The following RFXANK variants were observed in gnomAD, a reference collection of about 807,000 sequenced individuals.
RFXANK encodes DNA-binding protein RFXANK.
Under a neutral mutation model 34.5 loss-of-function variants are expected in RFXANK, and 19 were observed. The ratio of observed to expected loss-of-function variants is 0.55; its 90% CI spans 0.38 to 0.81. The LOEUF (loss-of-function observed/expected upper bound fraction) is 0.81. Ranked by LOEUF, RFXANK falls within the 30% of genes least tolerant of loss-of-function variation. RFXANK has a pLI of 0.00. For missense variants in RFXANK, 295 were observed against 343.5 expected (o/e 0.86, Z 1.12); for synonymous variants, 154 against 149.8 (o/e 1.03, Z -0.20).
intron 8 of RFXANK, 51 bp from the exon 9 acceptor site, chr19:19,199,103 A>G (rs760494491): frequency 1.9e-6 from 3 of 1,554,626 alleles, no homozygotes; most frequent in African/African-American, 1.4e-5. Flanking sequence ...CCCAGACCCC[A>G]TTCTGGACTC....
rs947640674 is a variant in RFXANK at position 19,198,363 on chromosome 19, C to T, written c.564+131C>T. Reference sequence around the variant, plus strand: ...AACACGAGACAGCCCCATTCCCAGCCTCACAGAGCAGAGCTCCCCATGCAG... The same window carrying T: ...AACACGAGACAGCCCCATTCCCAGCTTCACAGAGCAGAGCTCCCCATGCAG... On this transcript the variant is annotated intron_variant, in intron 7 of 9. Coordinates refer to ENST00000303088, the MANE Select transcript of RFXANK (RefSeq NM_003721.4). 4.3e-6 allele frequency: 6 copies of T among 1,400,152 alleles called. No homozygotes were observed. The African/African-American group carries it at 7.1e-5, about 17-fold the overall frequency. 86.7% of individuals were successfully genotyped at this position (1,400,152 alleles called of 1,614,324 possible).
At chr19:19,198,774 C>T (rs1410074751) in intron 8 of RFXANK, 51 bp downstream of exon 8, 1 of 1,580,932 alleles carries the variant, frequency 6.3e-7, no homozygotes, top group Non-Finnish European at 8.7e-7. Flanking sequence ...CCAGCGGGCC[C>T]TGCGGGAATC....
At position 19,201,739 on chromosome 19, in the gene RFXANK, C is replaced by CA; in HGVS notation, c.*21dup. ...GAGTGAAGGCCGCCTGCCGGGGACT[C>CA]AGACACTCAGGGAACAAAATGGTCA... is the stretch of plus-strand genomic sequence containing the variant. On this transcript the variant is annotated 3_prime_UTR_variant, in exon 10 of 10. Transcript: ENST00000303088. 4 of 1,613,788 alleles carry CA rather than the reference C, an allele frequency of 2.5e-6. No individual in the cohort carries two copies. Among genetic ancestry groups the CA allele is most frequent in the Non-Finnish European group, 3.4e-6 (4 of 1,179,934 alleles).
intron 6 of RFXANK, 32 bp downstream of exon 6, chr19:19,197,653 G>T (rs998838549): frequency 3.1e-6 from 5 of 1,596,226 alleles, no homozygotes; most frequent in Non-Finnish European, 4.3e-6. Flanking sequence ...CAGCTGGGGG[G>T]TTCCCGGGGG....
chr19:19,199,423 G>A (rs1210430526), intron 9 of RFXANK, among the ~76,000 whole-genome samples, 189 bp downstream of exon 9: 1 of 152,200 alleles, frequency 6.6e-6, no homozygotes, highest in African/African-American at 2.4e-5. Context: ...ACATGTGCTG[G>A]GGTAGGGAGG....
At chr19:19,201,110 A>G (rs2060706808) in intron 9 of RFXANK, among the ~76,000 whole-genome samples, 1 of 151,598 alleles carries the variant, frequency 6.6e-6, no homozygotes, top group African/African-American at 2.4e-5. Flanking sequence ...CACCTGGCTA[A>G]TTTTTGTAGT....
chr19:19,199,843 C>T (rs1180944513), intron 9 of RFXANK, among the ~76,000 whole-genome samples: 3 of 152,196 alleles, frequency 2.0e-5, no homozygotes, highest in Non-Finnish European at 4.4e-5. Flanking sequence ...ACCCCAACTT[C>T]CCCATCCATA....
chr19:19,201,680 G>A lies in RFXANK; in HGVS notation c.744G>A (p.Lys248=). Reference sequence around the variant, plus strand: ...AGGTGATCGAGAACCACATCCTCAAGCTCTTCCAGAGCAACCTGGTGCCCG... The same window carrying A: ...AGGTGATCGAGAACCACATCCTCAAACTCTTCCAGAGCAACCTGGTGCCCG... ...VQQVIENHIL[K]LFQSNLVPAD... The change falls in exon 10 of 10, where the codon AAG becomes AAA. Residue 248 remains lysine (K), a synonymous_variant. Coordinates refer to ENST00000303088, the MANE Select transcript of RFXANK (RefSeq NM_003721.4). The A allele has an allele frequency of 6.2e-7, 1 of 1,614,114 alleles. No homozygotes were observed. Among genetic ancestry groups the A allele is most frequent in the Non-Finnish European group, 8.5e-7 (1 of 1,180,040 alleles).
intron 3 of RFXANK, 141 bp from the exon 4 acceptor site, chr19:19,196,822 G>A (rs984781727): frequency 2.2e-5 from 18 of 801,482 alleles, no homozygotes; most frequent in South Asian, 4.1e-5. Context: ...CCGAGATCAC[G>A]CCACTGTACT....
In RFXANK at chr19:19,196,944, C is replaced by T. The variant is rs200486698; in HGVS notation, c.188-19C>T. 54 of 1,605,508 alleles carry T rather than the reference C, an allele frequency of 3.4e-5. 1 individual carries two copies. In the Middle Eastern group the frequency reaches 1.3e-3, roughly 39 times the overall value. On this transcript the variant is annotated intron_variant, in intron 3 of 9. Transcript: ENST00000303088. The stretch of plus-strand genomic sequence containing the variant: ...GACATCTACTGAGGGGAAACTGACG[C>T]CTGTTGTCTGTTTCCCAGCAGGCAG...
chr19:19,197,159 G>A (rs752269278), intron 4 of RFXANK, 27 bp from the exon 5 acceptor site: 2 of 1,613,708 alleles, frequency 1.2e-6, no homozygotes, highest in Non-Finnish European at 1.7e-6. Context: ...GGGGATGAGT[G>A]AGGACTCTGC....
chr19:19,192,729 C>T (rs2060505982), intron 1 of RFXANK, 175 bp downstream of exon 1: 1 of 152,834 alleles, frequency 6.5e-6, no homozygotes, highest in African/African-American at 2.4e-5. Flanking sequence ...GCCCTTTAGG[C>T]CCCGCCCATT....
intron 9 of RFXANK, 126 bp downstream of exon 9, chr19:19,199,360 G>A (rs1316958287): frequency 3.2e-6 from 3 of 925,034 alleles, no homozygotes; most frequent in Non-Finnish European, 5.3e-6. Flanking sequence ...CAGGTGTTGA[G>A]CACTGCTGTG....
At chr19:19,193,805 C>T (rs2060543344) in intron 2 of RFXANK, 134 bp from the exon 3 acceptor site, 1 of 998,072 alleles carries the variant, frequency 1.0e-6, no homozygotes, top group East Asian at 2.4e-5. Context: ...GTTTTCATTT[C>T]CCTGGCTCTG....
At chr19:19,198,049 C>T in intron 6 of RFXANK, 58 bp from the exon 7 acceptor site, 1 of 1,608,094 alleles carries the variant, frequency 6.2e-7, no homozygotes, top group Non-Finnish European at 8.5e-7. Context: ...TGTGGGTACC[C>T]CAGGATTCCT....
chr19:19,198,026 A>AT lies in RFXANK; in HGVS notation c.439-81_439-80insT, dbSNP rs1204398154. On this transcript the variant is annotated intron_variant, in intron 6 of 9. Coordinates refer to ENST00000303088, the MANE Select transcript of RFXANK (RefSeq NM_003721.4). ...GACTCTATCTCCAAAAAAAAAAAAA[A>AT]AGATGCGGCTGCTGTGGGTACCCCA... 1.9e-4 allele frequency: 297 copies of AT among 1,550,678 alleles called. No homozygotes were observed. In the East Asian group the frequency reaches 6.6e-3, roughly 34 times the overall value.
At chr19:19,199,099 C>A in intron 8 of RFXANK, 55 bp from the exon 9 acceptor site, 1 of 1,520,400 alleles carries the variant, frequency 6.6e-7, no homozygotes, top group Non-Finnish European at 9.1e-7. Context: ...GGTCCCCAGA[C>A]CCCATTCTGG....
intron 1 of RFXANK, 36 bp from the exon 2 acceptor site, chr19:19,192,924 A>G (rs568388746): frequency 3.3e-5 from 5 of 152,544 alleles, no homozygotes; most frequent in Admixed American, 3.3e-4. Flanking sequence ...GGGTGGGGGT[A>G]GCGGTCGAGT....
rs375541634 is a variant in RFXANK at position 19,197,008 on chromosome 19, G to A, written c.233G>A (p.Arg78Gln). The change falls in exon 4 of 10, where the codon CGA becomes CAA. Residue 78 changes from arginine (R) to glutamine (Q), a missense_variant. Arg to Gln is a conservative substitution (Grantham distance 43). Coordinates refer to ENST00000303088, the MANE Select transcript of RFXANK (RefSeq NM_003721.4). Reference sequence around the variant, plus strand: ...TCCACCACTCTCACCAACCGGCAGCGAGGGAACGAGGTGTCAGCTCTGCCG... The same window carrying A: ...TCCACCACTCTCACCAACCGGCAGCAAGGGAACGAGGTGTCAGCTCTGCCG... ...KHSTTLTNRQ[R>Q]GNEVSALPAT... The A allele has an allele frequency of 4.0e-5, 64 of 1,613,508 alleles. No homozygotes were observed. The highest frequency in any genetic ancestry group is 1.1e-5 in the Non-Finnish European group (13 of 1,180,038).
Sources: gnomAD v4.1 joint callset for allele counts (sites outside exome capture counted in the v4.1 genomes callset) on GRCh38, gnomAD v4.1.1 for gene constraint, MANE v1.5 for transcripts, NCBI Gene and HGNC (gene_info 2026-07-23, HGNC 2026-07-21) for gene names.